KHDRBS2: variants seen among roughly 807,000 people sequenced by gnomAD.
KHDRBS2 encodes the protein KH RNA binding domain containing, signal transduction associated 2.
Under a neutral mutation model 44.3 loss-of-function variants are expected in KHDRBS2, and 26 were observed. That is an observed-to-expected ratio of 0.59 (90% CI 0.43 to 0.81). The LOEUF (loss-of-function observed/expected upper bound fraction) is 0.81. Ranked by LOEUF, KHDRBS2 falls within the 40% of genes least tolerant of loss-of-function variation. KHDRBS2 has a pLI of 0.00. For synonymous variants in KHDRBS2, 194 were observed against 151.1 expected, an observed-to-expected ratio of 1.28 and a Z score of -2.08; for missense variants, 476 against 433.1, an observed-to-expected ratio of 1.10 and a Z score of -0.88.
At chr6:61,939,475 G>T (rs781342849) in intron 4 of KHDRBS2, among the ~76,000 whole-genome samples, 4 of 151,968 alleles carry the variant, frequency 2.6e-5, no homozygotes, top group Non-Finnish European at 5.9e-5. Flanking sequence ...TTTTTTCACA[G>T]ATATTTTGCA....
intron 3 of KHDRBS2, among the ~76,000 whole-genome samples, chr6:61,985,828 A>T (rs1161955605): frequency 6.6e-6 from 1 of 152,168 alleles, no homozygotes; most frequent in Admixed American, 6.6e-5. Flanking sequence ...ATTAGAAAAT[A>T]CTACGATCCA....
At chr6:62,089,993 C>T (rs987309512) in intron 2 of KHDRBS2, among the ~76,000 whole-genome samples, 9 of 151,770 alleles carry the variant, frequency 5.9e-5, no homozygotes, top group African/African-American at 7.3e-5. Context: ...TCCACACAGG[C>T]GAAAATGATT....
chr6:61,650,245 C>T, the KHDRBS2 span, among the ~76,000 whole-genome samples: 2 of 152,130 alleles, frequency 1.3e-5, no homozygotes, highest in South Asian at 2.1e-4. Flanking sequence ...CCTCTCATCC[C>T]CATTATTTTC....
chr6:61,815,696 G>C (rs1788807426), intron 6 of KHDRBS2, among the ~76,000 whole-genome samples: 1 of 152,064 alleles, frequency 6.6e-6, no homozygotes, highest in Admixed American at 6.6e-5. Flanking sequence ...AAATATTTTT[G>C]TCCTTGCTTT....
At chr6:61,596,981 G>A in the KHDRBS2 span, among the ~76,000 whole-genome samples, 1 of 152,068 alleles carries the variant, frequency 6.6e-6, no homozygotes, top group African/African-American at 2.4e-5. Flanking sequence ...TGACTCTTAG[G>A]TGAAACAAAG....
intron 1 of KHDRBS2, among the ~76,000 whole-genome samples, chr6:62,194,798 C>T (rs1373616938): frequency 6.6e-6 from 1 of 151,894 alleles, no homozygotes; most frequent in Non-Finnish European, 1.5e-5. Flanking sequence ...TGAGTCACTG[C>T]ACCCGGCCTA....
intron 6 of KHDRBS2, among the ~76,000 whole-genome samples, chr6:61,743,727 C>T (rs556283283): frequency 3.3e-5 from 5 of 151,734 alleles, no homozygotes; most frequent in South Asian, 4.2e-4. Flanking sequence ...GTGTGCTGCA[C>T]CCATTAACTC....
rs193050280 is a variant in KHDRBS2, at chr6:61,957,936, T to G, written c.483+20130A>C. ...CCCAGCTTTAAAATTTTCTCTCTTT[T>G]GTACTCTGTCCCTTTATTTCTCAGA... On this transcript the variant is annotated intron_variant, in intron 4 of 8. Coordinates refer to ENST00000281156, the MANE Select transcript of KHDRBS2 (RefSeq NM_152688.4). 3.9e-4 allele frequency among the ~76,000 whole-genome samples: 60 copies of G among 152,302 alleles called. 1 individual carries two copies. Among genetic ancestry groups the G allele is most frequent in the African/African-American group, 1.4e-3 (57 of 41,568 alleles).
At chr6:61,757,562 A>G (rs566515756) in intron 6 of KHDRBS2, among the ~76,000 whole-genome samples, 34 of 152,290 alleles carry the variant, frequency 2.2e-4, no homozygotes, top group Admixed American at 2.2e-3. Context: ...AGTACTTAAA[A>G]TCATTTACAT....
At chr6:61,904,202 G>A (rs1439270394) in intron 4 of KHDRBS2, among the ~76,000 whole-genome samples, 1 of 152,040 alleles carries the variant, frequency 6.6e-6, no homozygotes, top group Non-Finnish European at 1.5e-5. Flanking sequence ...AGTTGGAGGT[G>A]AATATATCCG....
the KHDRBS2 span, among the ~76,000 whole-genome samples, chr6:61,596,681 C>A: frequency 3.9e-5 from 6 of 151,910 alleles, no homozygotes; most frequent in Non-Finnish European, 8.8e-5. Flanking sequence ...CAAATGGAGT[C>A]TCACACTGTC....
intron 1 of KHDRBS2, among the ~76,000 whole-genome samples, chr6:62,204,622 C>A (rs940299535): frequency 1.4e-4 from 22 of 152,068 alleles, no homozygotes; most frequent in Admixed American, 3.3e-4. Context: ...GATGCCCAAC[C>A]GGTATTAGAA....
chr6:62,022,149 T>C (rs1398531617), intron 3 of KHDRBS2, among the ~76,000 whole-genome samples: 1 of 151,202 alleles, frequency 6.6e-6, no homozygotes, highest in African/African-American at 2.4e-5. Flanking sequence ...TCCCTCGGGG[T>C]TGGAAAACAA....
chr6:62,221,470 G>T (rs1165031610), intron 1 of KHDRBS2, among the ~76,000 whole-genome samples: 1 of 151,906 alleles, frequency 6.6e-6, no homozygotes, highest in East Asian at 1.9e-4. Flanking sequence ...CCACGAAGGA[G>T]AAAAAATGGT....
At chr6:61,800,821 A>G (rs1786137032) in intron 6 of KHDRBS2, among the ~76,000 whole-genome samples, 1 of 152,126 alleles carries the variant, frequency 6.6e-6, no homozygotes, top group Non-Finnish European at 1.5e-5. Context: ...TTGGGACAAC[A>G]TCTTGTTCTT....
At chr6:61,656,660 G>A in the KHDRBS2 span, among the ~76,000 whole-genome samples, 1 of 152,030 alleles carries the variant, frequency 6.6e-6, no homozygotes, top group South Asian at 2.1e-4. Flanking sequence ...ACACACCAGG[G>A]TCTACTTCAA....
intron 6 of KHDRBS2, among the ~76,000 whole-genome samples, chr6:61,737,229 T>C (rs1030089010): frequency 3.3e-5 from 5 of 152,072 alleles, no homozygotes; most frequent in African/African-American, 4.8e-5. Flanking sequence ...TCTTTAAATG[T>C]TACACAGAAA....
the KHDRBS2 span, among the ~76,000 whole-genome samples, chr6:61,584,537 C>A: frequency 1.3e-5 from 2 of 151,790 alleles, no homozygotes; most frequent in Admixed American, 1.3e-4. Flanking sequence ...GTAGAATAAA[C>A]CCCATTTAGT....
chr6:61,932,276 A>T (rs1458086567), intron 4 of KHDRBS2, among the ~76,000 whole-genome samples: 1 of 152,178 alleles, frequency 6.6e-6, no homozygotes, highest in East Asian at 1.9e-4. Flanking sequence ...CATAGTTATA[A>T]TTTTTGTAAT....
Sources: gnomAD v4.1 joint callset for allele counts (sites outside exome capture counted in the v4.1 genomes callset) on GRCh38, gnomAD v4.1.1 for gene constraint, MANE v1.5 for transcripts, NCBI Gene and HGNC (gene_info 2026-07-23, HGNC 2026-07-21) for gene names.